LRBA: variants seen among roughly 807,000 people sequenced by gnomAD.
LRBA encodes the protein lipopolysaccharide-responsive and beige-like anchor protein.
Under a neutral mutation model 330.0 loss-of-function variants are expected in LRBA, and 176 were observed. The observed-to-expected ratio is 0.53, with a 90% confidence interval of 0.47 to 0.60. The LOEUF (loss-of-function observed/expected upper bound fraction) is 0.60. Among genes scored for constraint, LRBA ranks in the 20% least tolerant of loss-of-function variants. LRBA has a pLI of 0.00. For synonymous variants in LRBA, 1,230 were observed against 1,193.0 expected (o/e 1.03, Z -0.64); for missense variants, 3,259 against 3,444.8 (o/e 0.95, Z 1.35).
At chr4:150,738,989 T>G (rs1210157404) in intron 35 of LRBA, among the ~76,000 whole-genome samples, 3 of 152,170 alleles carry the variant, frequency 2.0e-5, no homozygotes, top group South Asian at 2.1e-4. Flanking sequence ...ATCAATTTTT[T>G]AAGGCATATG....
intron 56 of LRBA, among the ~76,000 whole-genome samples, chr4:150,266,836 A>G (rs563133346): frequency 6.6e-6 from 1 of 152,228 alleles, no homozygotes; most frequent in Non-Finnish European, 1.5e-5. Flanking sequence ...TTGAGATCTA[A>G]AGACAAACAT....
At chr4:150,790,901 A>G (rs576832688) in intron 34 of LRBA, among the ~76,000 whole-genome samples, 3 of 152,330 alleles carry the variant, frequency 2.0e-5, no homozygotes, top group African/African-American at 7.2e-5. Flanking sequence ...AGCCTACCCT[A>G]TTGATTCTCA....
intron 47 of LRBA, among the ~76,000 whole-genome samples, chr4:150,389,746 T>C (rs2151905903): frequency 6.7e-6 from 1 of 149,532 alleles, no homozygotes; most frequent in Middle Eastern, 3.5e-3. Context: ...TCTAATAGTC[T>C]CACTCTTAGG....
intron 34 of LRBA, 47 bp from the exon 35 acceptor site, chr4:150,761,894 G>A (rs748644766): frequency 2.1e-6 from 2 of 944,664 alleles, no homozygotes; most frequent in Non-Finnish European, 3.2e-6. Flanking sequence ...CACTCAGTAG[G>A]TTCTTTCTTT....
At chr4:150,923,993 T>C (rs1733609475) in intron 4 of LRBA, among the ~76,000 whole-genome samples, 1 of 152,168 alleles carries the variant, frequency 6.6e-6, no homozygotes, top group African/African-American at 2.4e-5. Context: ...GTAACTACAA[T>C]CACAGTGATT....
chr4:150,987,484 C>T (rs1741589629), intron 2 of LRBA, among the ~76,000 whole-genome samples: 1 of 152,154 alleles, frequency 6.6e-6, no homozygotes, highest in Non-Finnish European at 1.5e-5. Context: ...GGGCAGACCA[C>T]TTAGTCCAGT....
intron 36 of LRBA, among the ~76,000 whole-genome samples, chr4:150,688,694 GA>G (rs1216130282): frequency 1.3e-5 from 2 of 151,992 alleles, no homozygotes; most frequent in Admixed American, 1.3e-4. Flanking sequence ...ACAAACATAT[GA>G]AAAAAAGCTC....
chr4:150,480,831 T>C (rs1174786549), intron 42 of LRBA, among the ~76,000 whole-genome samples: 4 of 152,212 alleles, frequency 2.6e-5, no homozygotes, highest in East Asian at 3.9e-4. Flanking sequence ...TATCATTTAC[T>C]TGTGTTAGCA....
intron 56 of LRBA, among the ~76,000 whole-genome samples, chr4:150,272,362 A>T (rs1215184869): frequency 6.6e-6 from 1 of 152,136 alleles, no homozygotes; most frequent in African/African-American, 2.4e-5. Context: ...ATCCACAAAA[A>T]TGGGGAGAAA....
chr4:150,522,714 G>T (rs994387297), intron 40 of LRBA, among the ~76,000 whole-genome samples: 1 of 152,222 alleles, frequency 6.6e-6, no homozygotes, highest in African/African-American at 2.4e-5. Flanking sequence ...CCACCTCTCT[G>T]GAGGACATAA....
intron 28 of LRBA, among the ~76,000 whole-genome samples, chr4:150,835,534 T>C (rs1401675616): frequency 6.6e-6 from 1 of 152,166 alleles, no homozygotes; most frequent in Non-Finnish European, 1.5e-5. Flanking sequence ...TCTTGTAAGT[T>C]GGATTCCTAG....
At chr4:150,964,632 G>C (rs1219979745) in intron 2 of LRBA, among the ~76,000 whole-genome samples, 10 of 150,806 alleles carry the variant, frequency 6.6e-5, no homozygotes, top group African/African-American at 2.5e-4. Context: ...CAGCATACTC[G>C]TTAAGAGTCA....
chr4:150,850,812 T>C lies in LRBA; in HGVS notation c.3916A>G (p.Ile1306Val), dbSNP rs766003663. The C allele has an allele frequency of 6.2e-7, 1 of 1,613,838 alleles. No individual in the cohort carries two copies. The highest frequency in any genetic ancestry group is 8.5e-7 in the Non-Finnish European group (1 of 1,179,732). Residue 1306 changes from isoleucine (I) to valine (V), a missense_variant, in exon 24 of 57, where the codon ATT becomes GTT. By Grantham distance (29) the Ile-to-Val change is conservative. Coordinates refer to ENST00000651943, the MANE Select transcript of LRBA (RefSeq NM_001364905.1). Reference sequence around the variant, plus strand: ...ATCTGAGACCAGTTGAACTCAGGAATACGAAACACAGTAGATCTGGAATCC... The same window carrying C: ...ATCTGAGACCAGTTGAACTCAGGAACACGAAACACAGTAGATCTGGAATCC... ...RRDSRSTVFRIPEFNWSQMHQ... is the reference protein window; with the variant it reads ...RRDSRSTVFRVPEFNWSQMHQ...
intron 40 of LRBA, chr4:150,580,623 A>C (rs1561382263): frequency 6.6e-6 from 1 of 152,206 alleles, no homozygotes; most frequent in Non-Finnish European, 1.5e-5. Context: ...CTCCCAAATC[A>C]AACTAAAAAT....
In LRBA at chr4:150,346,185, C is replaced by T. The variant is rs544313918; in HGVS notation, c.7362+3807G>A. On this transcript the variant is annotated intron_variant, in intron 48 of 56. Transcript: ENST00000651943. ...ATTTTAATAGTGCTAAGTAACAAAGCGATATATTCTCATTTCAAGAATATC... is the reference window on the plus strand; with the variant it reads ...ATTTTAATAGTGCTAAGTAACAAAGTGATATATTCTCATTTCAAGAATATC... 7.2e-5 allele frequency among the ~76,000 whole-genome samples: 11 copies of T among 152,012 alleles called. No homozygotes were observed. In the South Asian group the frequency reaches 1.0e-3, roughly 14 times the overall value.
intron 5 of LRBA, among the ~76,000 whole-genome samples, chr4:150,919,644 T>A (rs1295319348): frequency 6.6e-6 from 1 of 151,274 alleles, no homozygotes; most frequent in East Asian, 1.9e-4. Context: ...CAAAAAAAAA[T>A]TTTAGGAGAA....
chr4:150,526,630 TTTATA>T (rs1165004038), intron 40 of LRBA, among the ~76,000 whole-genome samples: 1 of 152,172 alleles, frequency 6.6e-6, no homozygotes, highest in African/African-American at 2.4e-5. Context: ...TAATGAAACC[TTTATA>T]TTAATCTATG....
intron 37 of LRBA, among the ~76,000 whole-genome samples, chr4:150,616,470 A>C (rs553686475): frequency 1.9e-4 from 29 of 152,328 alleles, no homozygotes; most frequent in African/African-American, 7.0e-4. Flanking sequence ...AAATGAAAAA[A>C]ATGTGTCAAG....
chr4:150,315,536 G>T (rs78877620), intron 51 of LRBA, 25 bp downstream of exon 51: 10 of 1,600,076 alleles, frequency 6.2e-6, no homozygotes, highest in Non-Finnish European at 6.0e-6. Context: ...TTAATGAATC[G>T]CAAAGAGAGA....
Sources: gnomAD v4.1 joint callset for allele counts (sites outside exome capture counted in the v4.1 genomes callset) on GRCh38, gnomAD v4.1.1 for gene constraint, MANE v1.5 for transcripts, NCBI Gene and HGNC (gene_info 2026-07-23, HGNC 2026-07-21) for gene names.